The following HTR2C variants were observed in gnomAD, a reference collection of about 807,000 sequenced individuals.
The protein encoded by HTR2C is 5-hydroxytryptamine (serotonin) receptor 2C, G protein-coupled.
HTR2C carries 5 observed loss-of-function variants against 21.0 expected under a neutral mutation model. The ratio of observed to expected loss-of-function variants is 0.24; its 90% confidence interval spans 0.12 to 0.50. The LOEUF is 0.50. HTR2C is among the 20% of genes least tolerant of loss of function. The probability of loss-of-function intolerance (pLI) is 0.98; values close to 1 mark genes in which losing one functional copy is unlikely to be tolerated. For missense variants in HTR2C, 271 were observed against 371.2 expected, an observed-to-expected ratio of 0.73 and a Z score of 2.22; for synonymous variants, 150 against 145.3, an observed-to-expected ratio of 1.03 and a Z score of -0.23.
intron 2 of HTR2C, among the ~76,000 whole-genome samples, chrX:114,647,841 A>G (rs1220820313): frequency 9.0e-6 from 1 of 111,603 alleles, no homozygotes; most frequent in Non-Finnish European, 1.9e-5. Context: ...GGCAGAGGAC[A>G]TAGCATGTGC....
intron 3 of HTR2C, among the ~76,000 whole-genome samples, chrX:114,729,686 A>G (rs896258588): frequency 8.9e-6 from 1 of 111,873 alleles, no homozygotes; most frequent in South Asian, 3.7e-4. Flanking sequence ...AAGAATTACG[A>G]TTTCTCTGAT....
intron 4 of HTR2C, among the ~76,000 whole-genome samples, chrX:114,757,331 T>A (rs1416751411): frequency 9.0e-6 from 1 of 111,640 alleles, no homozygotes; most frequent in Non-Finnish European, 1.9e-5. Context: ...ACTCCAAATT[T>A]ATATTTCAAT....
At chrX:114,799,253 T>C (rs1448748658) in intron 4 of HTR2C, among the ~76,000 whole-genome samples, 1 of 111,132 alleles carries the variant, frequency 9.0e-6, no homozygotes, top group African/African-American at 3.3e-5. Flanking sequence ...TAACTTTATG[T>C]TCAATATGTT....
At position 114,860,590 on chromosome X, in the gene HTR2C, C is replaced by A. The variant is rs182209792; in HGVS notation, c.550+12387C>A. Among the ~76,000 whole-genome samples, 169 of 99,196 alleles carry A rather than the reference C, an allele frequency of 1.7e-3. 2 individuals carry two copies. The highest frequency in any genetic ancestry group is 5.6e-3 in the African/African-American group (160 of 28,557). The allele number at this position is 99,196 out of a possible 115,157, so 86.1% of individuals were successfully genotyped here. ...GTTTTTAAACCACTTAAACGATATA[C>A]TTTAGTTTACATCTATTAATTTTTG... On this transcript the variant is annotated intron_variant, in intron 5 of 5. Transcript: ENST00000276198.
chrX:114,906,066 A>G (rs2071370195), intron 5 of HTR2C, among the ~76,000 whole-genome samples: 1 of 112,206 alleles, frequency 8.9e-6, no homozygotes, highest in Non-Finnish European at 1.9e-5. Flanking sequence ...CTATTTCTGC[A>G]TAGTAGTTAG....
In HTR2C at chrX:114,726,724, A is replaced by G. The variant is rs1933506200; in HGVS notation, c.-79-134A>G. On this transcript the variant is annotated intron_variant, in intron 2 of 5. Coordinates refer to ENST00000276198, the MANE Select transcript of HTR2C (RefSeq NM_000868.4). Reference sequence around the variant, plus strand: ...CATATTTTATCACTTACACAGTATAACATGCTTACCTGTTTGCTGAATTAA... The same window carrying G: ...CATATTTTATCACTTACACAGTATAGCATGCTTACCTGTTTGCTGAATTAA... The G allele has an allele frequency of 2.0e-5, 7 of 349,837 alleles. 1 individual carries two copies. Among genetic ancestry groups the G allele is most frequent in the Non-Finnish European group, 3.4e-5 (7 of 205,440 alleles). 28.8% of individuals were successfully genotyped at this position (349,837 alleles called of 1,213,427 possible).
intron 2 of HTR2C, among the ~76,000 whole-genome samples, chrX:114,646,911 A>T (rs781996394): frequency 1.8e-5 from 2 of 110,917 alleles, no homozygotes; most frequent in African/African-American, 6.6e-5. Flanking sequence ...GATGATGAAC[A>T]TTTTTTTTCA....
intron 4 of HTR2C, among the ~76,000 whole-genome samples, chrX:114,777,664 TC>T (rs782668704): frequency 9.0e-6 from 1 of 110,924 alleles, no homozygotes; most frequent in Non-Finnish European, 1.9e-5. Flanking sequence ...TTCAAGCGAT[TC>T]CCCTTCCGCA....
At chrX:114,607,280 A>G (rs1556397324) in intron 1 of HTR2C, among the ~76,000 whole-genome samples, 2 of 112,058 alleles carry the variant, frequency 1.8e-5, no homozygotes, top group African/African-American at 6.5e-5. Flanking sequence ...GAGAAGTTAA[A>G]ATGAAATATC....
intron 4 of HTR2C, among the ~76,000 whole-genome samples, chrX:114,835,281 G>T (rs2070770902): frequency 9.9e-6 from 1 of 101,132 alleles, no homozygotes; most frequent in Non-Finnish European, 2.0e-5. Flanking sequence ...AGTTCTCCTG[G>T]ATAATATCCT....
intron 4 of HTR2C, among the ~76,000 whole-genome samples, chrX:114,833,587 C>G (rs1247194994): frequency 1.5e-4 from 16 of 106,946 alleles, no homozygotes; most frequent in Non-Finnish European, 3.0e-4. Flanking sequence ...TGATTCTTCT[C>G]TCTTTTTTTC....
rs192304449 is a variant in HTR2C at position 114,766,504 on chromosome X, A to G, written c.349+34897A>G. Among the ~76,000 whole-genome samples, 130 of 111,627 alleles carry G rather than the reference A, an allele frequency of 1.2e-3. 1 individual carries two copies. The highest frequency in any genetic ancestry group is 1.1e-3 in the Non-Finnish European group (58 of 52,940). ...CTTAGAATGAATGGACTATATATCCATAATCCTCACTCTTAAACATTATGC... is the reference window on the plus strand; with the variant it reads ...CTTAGAATGAATGGACTATATATCCGTAATCCTCACTCTTAAACATTATGC... On this transcript the variant is annotated intron_variant, in intron 4 of 5. Coordinates refer to ENST00000276198, the MANE Select transcript of HTR2C (RefSeq NM_000868.4).
intron 4 of HTR2C, among the ~76,000 whole-genome samples, chrX:114,803,286 A>G (rs1174422577): frequency 2.3e-5 from 1 of 42,904 alleles, no homozygotes; most frequent in African/African-American, 5.9e-5. Flanking sequence ...TTCTAGTTCT[A>G]GATCCCTGAG....
intron 5 of HTR2C, among the ~76,000 whole-genome samples, chrX:114,899,104 C>A (rs1488165854): frequency 8.9e-6 from 1 of 111,928 alleles, no homozygotes; most frequent in African/African-American, 3.3e-5. Context: ...AGGTCCTTCA[C>A]TTCCCTTATT....
In HTR2C at chrX:114,735,803, T is replaced by C. The variant is rs1371175334; in HGVS notation, c.349+4196T>C. Reference sequence around the variant, plus strand: ...TAATTAGTAGAAGAGCCAAAATCAGTCAAATAGAGGAAGAAATAGAAGAAA... The same window carrying C: ...TAATTAGTAGAAGAGCCAAAATCAGCCAAATAGAGGAAGAAATAGAAGAAA... On this transcript the variant is annotated intron_variant, in intron 4 of 5. Transcript: ENST00000276198. 3.6e-5 allele frequency among the ~76,000 whole-genome samples: 4 copies of C among 111,348 alleles called. No homozygotes were observed. The Admixed American group carries it at 3.8e-4, about 11-fold the overall frequency.
chrX:114,836,478 T>C (rs782691411), intron 4 of HTR2C, among the ~76,000 whole-genome samples: 3 of 112,266 alleles, frequency 2.7e-5, no homozygotes, highest in East Asian at 5.7e-4. Context: ...TCCAGGTGTG[T>C]CTGTCACCCC....
chrX:114,643,252 T>C (rs1473833066), intron 2 of HTR2C, among the ~76,000 whole-genome samples: 1 of 110,669 alleles, frequency 9.0e-6, no homozygotes, highest in African/African-American at 3.3e-5. Context: ...ATTACTTTTT[T>C]TTTTTGCACC....
Position 114,805,824 on chromosome X carries a change from CAT to C in HTR2C, c.350-42171_350-42170del, listed in dbSNP as rs1327483474. Among the ~76,000 whole-genome samples the C allele has an allele frequency of 1.8e-4, 16 of 87,001 alleles. 1 individual carries two copies. Among genetic ancestry groups the C allele is most frequent in the African/African-American group, 8.4e-4 (16 of 18,996 alleles). The allele number at this position is 87,001 out of a possible 115,157, so 75.5% of individuals were successfully genotyped here. On this transcript the variant is annotated intron_variant, in intron 4 of 5. Transcript: ENST00000276198. ...CCATGTATATACACCATATATATACCATATATATACCATATATACCATATATA... is the reference window on the plus strand; with the variant it reads ...CCATGTATATACACCATATATATACCATATATACCATATATACCATATATA...
intron 4 of HTR2C, among the ~76,000 whole-genome samples, chrX:114,770,708 C>A (rs2069991582): frequency 9.1e-6 from 1 of 110,079 alleles, no homozygotes. Flanking sequence ...ATAAGTCCAA[C>A]ATCTAGGCCC....
Sources: allele counts gnomAD v4.1 joint callset (sites outside exome capture counted in the v4.1 genomes callset), GRCh38; gene constraint gnomAD v4.1.1; transcripts MANE v1.5; gene names NCBI Gene and HGNC (gene_info 2026-07-23, HGNC 2026-07-21).